COL14A1: variants seen among roughly 807,000 people sequenced by gnomAD.
The protein encoded by COL14A1 is collagen alpha-1(XIV) chain.
Under a neutral mutation model 230.3 loss-of-function variants are expected in COL14A1, and 136 were observed. That is an observed-to-expected ratio of 0.59 (90% CI 0.51 to 0.68). The LOEUF (loss-of-function observed/expected upper bound fraction) is 0.68. Ranked by LOEUF, COL14A1 falls within the 30% of genes least tolerant of loss-of-function variation. The probability of loss-of-function intolerance (pLI) is 0.00; values close to 1 mark genes in which losing one functional copy is unlikely to be tolerated. For synonymous variants in COL14A1, 792 were observed against 784.1 expected (o/e 1.01, Z -0.17); for missense variants, 1,976 against 2,215.8 (o/e 0.89, Z 2.17).
intron 22 of COL14A1, among the ~76,000 whole-genome samples, 166 bp from the exon 23 acceptor site, chr8:120,255,074 T>A (rs1311356103): frequency 1.3e-5 from 2 of 152,194 alleles, no homozygotes; most frequent in East Asian, 1.9e-4. Context: ...TTCTCTCAAG[T>A]CATAAAACAT....
In COL14A1 at chr8:120,206,825, A is replaced by G. The variant is rs901541895; in HGVS notation, c.1040-118A>G. The stretch of plus-strand genomic sequence containing the variant: ...TGGATAACTGAATCAACTTATCTAA[A>G]GAGGAAAATCTTAGAGGCAGCATAA... On this transcript the variant is annotated intron_variant, in intron 9 of 47. Coordinates refer to ENST00000297848, the MANE Select transcript of COL14A1 (RefSeq NM_021110.4). The G allele has an allele frequency of 3.4e-5, 34 of 1,003,916 alleles. 1 individual carries two copies. The highest frequency in any genetic ancestry group is 2.9e-4 in the Admixed American group (9 of 30,512). 62.2% of individuals were successfully genotyped at this position (1,003,916 alleles called of 1,614,324 possible). A position where few individuals can be genotyped will look rare whatever the true frequency, so the allele number is the denominator to read the frequency against.
In COL14A1 at chr8:120,355,937, T is replaced by C. The variant is rs148033696; in HGVS notation, c.5077+10374T>C. Among the ~76,000 whole-genome samples the C allele has an allele frequency of 4.5e-3, 687 of 152,322 alleles. 6 individuals carry two copies. Among genetic ancestry groups the C allele is most frequent in the South Asian group, 0.027 (128 of 4,826 alleles). ...ATGTAAGGTTTTTCAGTTTGGCAGA[T>C]AGATAATACTATTATTTATAGCTTT... is the stretch of plus-strand genomic sequence containing the variant. On this transcript the variant is annotated intron_variant, in intron 45 of 47. Transcript: ENST00000297848.
chr8:120,244,735 A>ACT (rs1187945187), intron 20 of COL14A1, among the ~76,000 whole-genome samples: 5 of 151,862 alleles, frequency 3.3e-5, no homozygotes, highest in Non-Finnish European at 5.9e-5. Flanking sequence ...TATGCAAGCC[A>ACT]CTCTCTCTCT....
intron 8 of COL14A1, among the ~76,000 whole-genome samples, chr8:120,201,654 C>A (rs1817252030): frequency 6.6e-6 from 1 of 151,948 alleles, no homozygotes; most frequent in African/African-American, 2.4e-5. Context: ...AACAGTACAT[C>A]TTTTAGAGTT....
chr8:120,320,733 A>C (rs939492297), intron 40 of COL14A1, among the ~76,000 whole-genome samples: 1 of 152,194 alleles, frequency 6.6e-6, no homozygotes, highest in Non-Finnish European at 1.5e-5. Flanking sequence ...GTGGCTCTGG[A>C]TGGGTTTTAT....
At chr8:120,243,780 T>C in intron 19 of COL14A1, 99 bp from the exon 20 acceptor site, 3 of 1,396,392 alleles carry the variant, frequency 2.1e-6, no homozygotes, top group Non-Finnish European at 3.0e-6. Flanking sequence ...GCACATCTCT[T>C]TTCTTTTGAT....
At chr8:120,219,218 G>T (rs1167505991) in intron 14 of COL14A1, among the ~76,000 whole-genome samples, 4 of 152,032 alleles carry the variant, frequency 2.6e-5, no homozygotes, top group African/African-American at 9.7e-5. Flanking sequence ...GCAGGCTCAG[G>T]TGATCCTCCC....
chr8:120,181,787 C>A (rs1816472083), intron 5 of COL14A1, among the ~76,000 whole-genome samples: 2 of 152,002 alleles, frequency 1.3e-5, no homozygotes, highest in African/African-American at 2.4e-5. Context: ...ATAGACCCCC[C>A]CAAAAAATAC....
rs2305598 is a variant in COL14A1, at chr8:120,197,830, T to C, written c.612T>C (p.Gly204=). ...KTRIGLAQYS[G]DPRIEWHLNA... is the part of the protein sequence containing the mutation. ...TTCCAGGTCTTGCACAGTATAGTGG[T>C]GACCCCAGAATAGAATGGCACTTGA... The change falls in exon 7 of 48, where the codon GGT becomes GGC. Residue 204 remains glycine (G), a synonymous_variant. Coordinates refer to ENST00000297848, the MANE Select transcript of COL14A1 (RefSeq NM_021110.4). 797,765 of 1,612,434 alleles carry C rather than the reference T, an allele frequency of 0.49. 202,902 individuals are homozygous for C. Among genetic ancestry groups the C allele is most frequent in the African/African-American group, 0.78 (58,200 of 74,894 alleles).
intron 4 of COL14A1, among the ~76,000 whole-genome samples, chr8:120,163,945 A>G (rs183676993): frequency 6.6e-6 from 1 of 151,970 alleles, no homozygotes. Context: ...TATGAATCTT[A>G]TAGTCTAGTG....
chr8:120,214,323 C>T (rs1817689665), intron 13 of COL14A1, among the ~76,000 whole-genome samples: 1 of 152,128 alleles, frequency 6.6e-6, no homozygotes. Flanking sequence ...CAACTCTATC[C>T]TTGCATTCTA....
intron 1 of COL14A1, among the ~76,000 whole-genome samples, chr8:120,134,613 G>A (rs1370707806): frequency 6.6e-6 from 1 of 152,062 alleles, no homozygotes; most frequent in Non-Finnish European, 1.5e-5. Context: ...TAAATATTGG[G>A]CAACGTGTTT....
At chr8:120,306,849 A>G (rs1005008746) in intron 36 of COL14A1, among the ~76,000 whole-genome samples, 2 of 152,226 alleles carry the variant, frequency 1.3e-5, no homozygotes, top group Admixed American at 1.3e-4. Flanking sequence ...ATATTTGAAT[A>G]TATATTTGAA....
intron 7 of COL14A1, among the ~76,000 whole-genome samples, chr8:120,198,887 T>A (rs1164633893): frequency 6.6e-6 from 1 of 152,206 alleles, no homozygotes; most frequent in East Asian, 1.9e-4. Context: ...TGAACACAAA[T>A]CCTACAACAA....
intron 33 of COL14A1, among the ~76,000 whole-genome samples, chr8:120,289,034 G>C (rs1044875176): frequency 3.3e-5 from 5 of 152,126 alleles, no homozygotes; most frequent in Non-Finnish European, 7.4e-5. Context: ...CGGACCTCCA[G>C]ATTCTTGAGA....
At chr8:120,199,713 C>T (rs1219059112) in intron 8 of COL14A1, 147 bp downstream of exon 8, 1 of 707,996 alleles carries the variant, frequency 1.4e-6, no homozygotes, top group Non-Finnish European at 2.2e-6. Context: ...GCCCTGTGAT[C>T]TGAGCCCAGC....
intron 9 of COL14A1, among the ~76,000 whole-genome samples, 174 bp from the exon 10 acceptor site, chr8:120,206,769 T>C (rs1817446293): frequency 2.6e-5 from 4 of 152,228 alleles, no homozygotes; most frequent in Admixed American, 6.5e-5. Context: ...ACCTGGCACC[T>C]AATAGACATT....
intron 32 of COL14A1, among the ~76,000 whole-genome samples, chr8:120,284,579 T>C (rs1820138832): frequency 6.6e-6 from 1 of 152,216 alleles, no homozygotes; most frequent in Non-Finnish European, 1.5e-5. Context: ...AGGAAAGTAT[T>C]AAGCTTATTT....
chr8:120,132,578 A>C (rs1338885692), intron 1 of COL14A1, among the ~76,000 whole-genome samples: 2 of 118,988 alleles, frequency 1.7e-5, no homozygotes, highest in African/African-American at 6.5e-5. Flanking sequence ...TTTTTTTTCT[A>C]TTTCTGTGAA....
Sources: gnomAD v4.1 joint callset for allele counts (sites outside exome capture counted in the v4.1 genomes callset) on GRCh38, gnomAD v4.1.1 for gene constraint, MANE v1.5 for transcripts, NCBI Gene and HGNC (gene_info 2026-07-23, HGNC 2026-07-21) for gene names.